Variants in CEP290 observed in about 807,000 individuals in gnomAD.
CEP290 encodes centrosomal protein of 290 kDa.
CEP290 carries 317 observed loss-of-function variants against 344.9 expected under a neutral mutation model. That is an observed-to-expected ratio of 0.92 (90% CI 0.84 to 1.01). The LOEUF (loss-of-function observed/expected upper bound fraction) is 1.01. CEP290 is among the 50% of genes least tolerant of loss of function. The probability of loss-of-function intolerance (pLI) is 0.00; values close to 1 mark genes in which losing one functional copy is unlikely to be tolerated. For missense variants in CEP290, 2,754 were observed against 2,761.4 expected (o/e 1.00, Z 0.06); for synonymous variants, 932 against 895.8 (o/e 1.04, Z -0.72).
At chr12:88,123,375 C>T (rs1041887929) in intron 13 of CEP290, among the ~76,000 whole-genome samples, 3 of 152,074 alleles carry the variant, frequency 2.0e-5, no homozygotes, top group African/African-American at 7.2e-5. Flanking sequence ...TTCTTTATTA[C>T]ATTTCCTCTC....
chr12:88,105,579 G>A (rs1231585634), intron 25 of CEP290, among the ~76,000 whole-genome samples: 1 of 152,138 alleles, frequency 6.6e-6, no homozygotes. Flanking sequence ...TATGATGTTT[G>A]CAACTTTTAA....
intron 23 of CEP290, among the ~76,000 whole-genome samples, chr12:88,107,763 G>A (rs957638125): frequency 6.6e-5 from 10 of 151,958 alleles, no homozygotes; most frequent in South Asian, 2.1e-4. Flanking sequence ...TTAGCCAGGC[G>A]TGGTGGCACA....
At chr12:88,056,987 A>G (rs761839490) in intron 49 of CEP290, among the ~76,000 whole-genome samples, 9 of 152,024 alleles carry the variant, frequency 5.9e-5, no homozygotes, top group Non-Finnish European at 1.2e-4. Context: ...GTCTTCTGCA[A>G]TGTCTTCTGC....
chr12:88,064,410 G>A (rs1207218287), intron 44 of CEP290, among the ~76,000 whole-genome samples: 2 of 152,044 alleles, frequency 1.3e-5, no homozygotes, highest in African/African-American at 4.8e-5. Context: ...GATCTATGGT[G>A]GTTTTACTAG....
At chr12:88,051,044 T>C (rs1451697779) in intron 52 of CEP290, among the ~76,000 whole-genome samples, 2 of 152,180 alleles carry the variant, frequency 1.3e-5, no homozygotes, top group Admixed American at 1.3e-4. Context: ...AATAGGATTT[T>C]TGCTTTAATG....
intron 20 of CEP290, 76 bp downstream of exon 20, chr12:88,114,344 T>G (rs753714646): frequency 8.3e-5 from 94 of 1,130,322 alleles, no homozygotes; most frequent in Non-Finnish European, 1.0e-4. Context: ...CATCAGAAAC[T>G]ATGGAGATCT....
In CEP290 at chr12:88,083,930, G is replaced by A. The variant is rs1239470234; in HGVS notation, c.4729C>T (p.His1577Tyr). 6.3e-7 allele frequency: 1 copy of A among 1,592,310 alleles called. No homozygotes were observed. Among genetic ancestry groups the A allele is most frequent in the East Asian group, 2.3e-5 (1 of 44,364 alleles). Residue 1577 changes from histidine to tyrosine, a missense_variant, in exon 36 of 54, where the codon CAT (histidine) becomes TAT (tyrosine). Transcript: ENST00000552810. Reference protein sequence around the residue: ...REEQREIVKKHEEDLHILHHR... With the variant: ...REEQREIVKKYEEDLHILHHR... ...TGAAGAATATGAAGGTCTTCCTCAT[G>A]TTTCTTCACAATTTCTCTTTGCTCC...
In CEP290 at chr12:88,121,083, T is replaced by C. The variant is rs571621861; in HGVS notation, c.1273A>G (p.Arg425Gly). 1.2e-6 allele frequency: 2 copies of C among 1,613,518 alleles called. No individual in the cohort carries two copies. The highest frequency in any genetic ancestry group is 2.7e-5 in the African/African-American group (2 of 75,046). ...TCAGCCTCAGCCAGTTCAGCTGTTC[T>C]CTCAGCCTCTTTAGTTTTCTCTTTT... ...ILKEKTKEAE[R>G]TAELAEADAR... The change falls in exon 14 of 54, where the codon AGA becomes GGA. Residue 425 changes from arginine to glycine, a missense_variant. By Grantham distance (125) the Arg-to-Gly change is moderately radical (BLOSUM62 -2). Coordinates refer to ENST00000552810, the MANE Select transcript of CEP290 (RefSeq NM_025114.4).
At chr12:88,140,665 C>T (rs2040597099) in intron 3 of CEP290, among the ~76,000 whole-genome samples, 1 of 152,162 alleles carries the variant, frequency 6.6e-6, no homozygotes, top group Admixed American at 6.5e-5. Flanking sequence ...CTTAACAAAT[C>T]CCTATAGCAG....
chr12:88,139,659 G>T (rs938899804), intron 3 of CEP290, 95 bp from the exon 4 acceptor site: 2 of 876,396 alleles, frequency 2.3e-6, no homozygotes, highest in Non-Finnish European at 3.2e-6. Context: ...GATCCTTAGT[G>T]CCAGCAATGG....
At chr12:88,126,468 G>A (rs779087749) in intron 11 of CEP290, 30 bp from the exon 12 acceptor site, 1 of 1,411,260 alleles carries the variant, frequency 7.1e-7, no homozygotes, top group East Asian at 2.7e-5. Flanking sequence ...AATCTGTTAT[G>A]CAAAAGGAAA....
intron 27 of CEP290, 31 bp from the exon 28 acceptor site, chr12:88,094,006 T>C: frequency 6.7e-7 from 1 of 1,495,006 alleles, no homozygotes; most frequent in Non-Finnish European, 9.1e-7. Flanking sequence ...GTCAATCTCA[T>C]GCTGTTTATA....
At position 88,071,575 on chromosome 12, in the gene CEP290, C is replaced by T. The variant is rs565268623; in HGVS notation, c.5856-126G>A. The T allele has an allele frequency of 7.0e-4, 634 of 905,290 alleles. 8 individuals are homozygous for T. The South Asian group carries it at 0.012, about 17-fold the overall frequency. 56.1% of individuals were successfully genotyped at this position (905,290 alleles called of 1,614,324 possible). On this transcript the variant is annotated intron_variant, in intron 42 of 53. Coordinates refer to ENST00000552810, the MANE Select transcript of CEP290 (RefSeq NM_025114.4). ...ATATTTGTCATAAGCTAATTTACAA[C>T]GAGATCACAGGAAAATCCATCTATA...
At chr12:88,116,828 G>T (rs2039069923) in intron 18 of CEP290, among the ~76,000 whole-genome samples, 2 of 151,942 alleles carry the variant, frequency 1.3e-5, no homozygotes, top group South Asian at 4.1e-4. Context: ...CAAAAAATTA[G>T]CCGGGCGTGG....
chr12:88,062,075 G>A (rs527258782), intron 46 of CEP290, among the ~76,000 whole-genome samples: 27 of 151,882 alleles, frequency 1.8e-4, no homozygotes, highest in Non-Finnish European at 3.4e-4. Flanking sequence ...CACTGCCCCC[G>A]GCCTGTTCTG....
At chr12:88,084,375 C>T (rs2036416479) in intron 35 of CEP290, among the ~76,000 whole-genome samples, 1 of 152,064 alleles carries the variant, frequency 6.6e-6, no homozygotes, top group Admixed American at 6.6e-5. Flanking sequence ...GATAGCTACT[C>T]GTGGTTTAGT....
intron 52 of CEP290, among the ~76,000 whole-genome samples, chr12:88,052,218 ATT>A (rs1009516587): frequency 5.9e-5 from 9 of 152,200 alleles, no homozygotes; most frequent in African/African-American, 2.2e-4. Context: ...TCAGATATAA[ATT>A]GGTATAATCC....
At chr12:88,119,230 T>C (rs2137884026) in intron 15 of CEP290, among the ~76,000 whole-genome samples, 1 of 152,328 alleles carries the variant, frequency 6.6e-6, no homozygotes, top group South Asian at 2.1e-4. Flanking sequence ...TTTCTTTAGA[T>C]AATAGTTTTT....
chr12:88,066,183 C>T (rs1390371650), intron 44 of CEP290, among the ~76,000 whole-genome samples: 1 of 152,074 alleles, frequency 6.6e-6, no homozygotes, highest in Admixed American at 6.5e-5. Context: ...AAGAAAAAAA[C>T]GATAAATGCT....
Sources: allele counts gnomAD v4.1 joint callset (sites outside exome capture counted in the v4.1 genomes callset), GRCh38; gene constraint gnomAD v4.1.1; transcripts MANE v1.5; gene names NCBI Gene and HGNC (gene_info 2026-07-23, HGNC 2026-07-21).